Variants in EGFLAM observed in about 807,000 individuals in gnomAD.
The protein encoded by EGFLAM is pikachurin.
A neutral mutation model predicts 113.1 loss-of-function variants in EGFLAM; 79 were observed. That is an observed-to-expected ratio of 0.70 (90% CI 0.58 to 0.84). The LOEUF (loss-of-function observed/expected upper bound fraction) is 0.84, where lower values mean the gene tolerates loss of function less well. Ranked by LOEUF, EGFLAM falls within the 40% of genes least tolerant of loss-of-function variation. The pLI is 0.00. For missense variants in EGFLAM, 1,265 were observed against 1,291.6 expected, an observed-to-expected ratio of 0.98 and a Z score of 0.32; for synonymous variants, 504 against 487.6, an observed-to-expected ratio of 1.03 and a Z score of -0.44.
intron 17 of EGFLAM, among the ~76,000 whole-genome samples, chr5:38,440,026 G>A (rs979310902): frequency 5.9e-5 from 9 of 152,152 alleles, no homozygotes; most frequent in African/African-American, 2.2e-4. Flanking sequence ...GTCGTAACAG[G>A]GATAAAGTGC....
chr5:38,263,452 A>C (rs1757553665), intron 1 of EGFLAM, among the ~76,000 whole-genome samples: 1 of 151,850 alleles, frequency 6.6e-6, no homozygotes, highest in Admixed American at 6.6e-5. Flanking sequence ...ACAGAGGAAG[A>C]CTCTGTCTCA....
intron 1 of EGFLAM, among the ~76,000 whole-genome samples, chr5:38,264,554 G>A (rs1172647169): frequency 6.6e-6 from 1 of 152,112 alleles, no homozygotes; most frequent in Non-Finnish European, 1.5e-5. Flanking sequence ...CAGTGGCCAG[G>A]GATCAGGGGT....
At chr5:38,359,891 A>G (rs1467748901) in intron 5 of EGFLAM, among the ~76,000 whole-genome samples, 1 of 152,148 alleles carries the variant, frequency 6.6e-6, no homozygotes, top group Non-Finnish European at 1.5e-5. Context: ...GATGCCTTCC[A>G]TAATAAGACT....
chr5:38,376,441 A>G (rs184887566), intron 6 of EGFLAM, among the ~76,000 whole-genome samples: 1 of 152,216 alleles, frequency 6.6e-6, no homozygotes, highest in African/African-American at 2.4e-5. Context: ...TACTATCCTC[A>G]TGATATGAGC....
intron 1 of EGFLAM, among the ~76,000 whole-genome samples, chr5:38,310,496 T>TTTATATGAAGCTATTC (rs1287384140): frequency 6.6e-6 from 1 of 152,188 alleles, no homozygotes; most frequent in Non-Finnish European, 1.5e-5. Flanking sequence ...TTTAGCTATT[T>TTTATATGAAGCTATTC]TCATATGAAG....
Position 38,303,643 on chromosome 5 carries a change from T to C in EGFLAM, c.98-33877T>C, listed in dbSNP as rs1032790891. Among the ~76,000 whole-genome samples, 23 of 152,328 alleles carry C rather than the reference T, an allele frequency of 1.5e-4. No homozygotes were observed. In the South Asian group the frequency reaches 3.3e-3, roughly 22 times the overall value. On this transcript the variant is annotated intron_variant, in intron 1 of 21. Transcript: ENST00000322350. ...TTTCTAAATAAGTATTGCTTGTATATGTCAAAAATATTTTTTTGGGTTTCT... is the reference window on the plus strand; with the variant it reads ...TTTCTAAATAAGTATTGCTTGTATACGTCAAAAATATTTTTTTGGGTTTCT...
intron 3 of EGFLAM, among the ~76,000 whole-genome samples, chr5:38,342,996 C>T (rs953000859): frequency 6.6e-6 from 1 of 152,172 alleles, no homozygotes; most frequent in Non-Finnish European, 1.5e-5. Flanking sequence ...TGACCCAGAA[C>T]TTAGAGAGAG....
chr5:38,443,631 C>A (rs1390833630), intron 17 of EGFLAM, among the ~76,000 whole-genome samples: 1 of 152,204 alleles, frequency 6.6e-6, no homozygotes, highest in African/African-American at 2.4e-5. Context: ...AGTGTTTGCT[C>A]CGGCAGGATG....
chr5:38,265,515 T>A (rs1757611343), intron 1 of EGFLAM, among the ~76,000 whole-genome samples: 1 of 152,250 alleles, frequency 6.6e-6, no homozygotes, highest in African/African-American at 2.4e-5. Context: ...CACCTGCTAT[T>A]TCAGTTATCG....
intron 1 of EGFLAM, among the ~76,000 whole-genome samples, chr5:38,315,521 A>G (rs998086875): frequency 3.3e-5 from 5 of 152,198 alleles, no homozygotes; most frequent in Admixed American, 6.5e-5. Flanking sequence ...TCAATTCATC[A>G]TAAGATCTTA....
intron 9 of EGFLAM, 26 bp downstream of exon 9, chr5:38,407,931 G>C: frequency 6.5e-7 from 1 of 1,541,602 alleles, no homozygotes; most frequent in Non-Finnish European, 9.0e-7. Context: ...TGTTTGATGA[G>C]TGCTTTTTGG....
chr5:38,359,585 G>T (rs144047335), intron 5 of EGFLAM, among the ~76,000 whole-genome samples: 54 of 152,308 alleles, frequency 3.5e-4, no homozygotes, highest in African/African-American at 1.2e-3. Context: ...TGAGGCACAA[G>T]AATTACTTGA....
intron 1 of EGFLAM, among the ~76,000 whole-genome samples, chr5:38,331,795 T>C (rs1390496682): frequency 6.6e-6 from 1 of 152,210 alleles, no homozygotes; most frequent in Non-Finnish European, 1.5e-5. Flanking sequence ...CTCTGTTGTC[T>C]GGAAGTACCA....
At chr5:38,435,089 A>T in intron 15 of EGFLAM, 48 bp from the exon 16 acceptor site, 1 of 1,511,748 alleles carries the variant, frequency 6.6e-7, no homozygotes. Context: ...ATCATTTTGA[A>T]CATCTGTTTT....
intron 16 of EGFLAM, among the ~76,000 whole-genome samples, chr5:38,436,999 C>G (rs1742373153): frequency 6.6e-6 from 1 of 152,190 alleles, no homozygotes; most frequent in South Asian, 2.1e-4. Flanking sequence ...AGTGGGGGTT[C>G]CCCTGGGAGG....
At chr5:38,300,840 C>A (rs1758558789) in intron 1 of EGFLAM, among the ~76,000 whole-genome samples, 1 of 152,104 alleles carries the variant, frequency 6.6e-6, no homozygotes. Context: ...TAAATTGGGG[C>A]AATACTTTGA....
At chr5:38,350,438 T>G in intron 3 of EGFLAM, 63 bp from the exon 4 acceptor site, 1 of 1,504,850 alleles carries the variant, frequency 6.6e-7, no homozygotes, top group Non-Finnish European at 9.2e-7. Flanking sequence ...CTCATGGAAA[T>G]TGTACAATTT....
At chr5:38,264,202 T>A (rs1757574585) in intron 1 of EGFLAM, among the ~76,000 whole-genome samples, 1 of 152,180 alleles carries the variant, frequency 6.6e-6, no homozygotes, top group Non-Finnish European at 1.5e-5. Context: ...ACATGGGTCC[T>A]GCCTTTCCTC....
Position 38,275,857 on chromosome 5 carries a change from A to G in EGFLAM, c.97+17006A>G, listed in dbSNP as rs944669622. Among the ~76,000 whole-genome samples the G allele has an allele frequency of 3.3e-5, 5 of 152,374 alleles. No individual in the cohort carries two copies. In the East Asian group the frequency reaches 9.6e-4, roughly 29 times the overall value. On this transcript the variant is annotated intron_variant, in intron 1 of 21. Coordinates refer to ENST00000322350, the MANE Select transcript of EGFLAM (RefSeq NM_152403.4). ...TAACAAATTTAAGGAGATTGAAATT[A>G]TGTTAAGTATCTTTTCAGACCACAA...
Sources: gnomAD v4.1 joint callset for allele counts (sites outside exome capture counted in the v4.1 genomes callset) on GRCh38, gnomAD v4.1.1 for gene constraint, MANE v1.5 for transcripts, NCBI Gene and HGNC (gene_info 2026-07-23, HGNC 2026-07-21) for gene names.